Variants in PLCB3 observed in about 807,000 individuals in gnomAD.
PLCB3 encodes 1-phosphatidylinositol 4,5-bisphosphate phosphodiesterase beta-3.
PLCB3 carries 54 observed loss-of-function variants against 152.1 expected under a neutral mutation model. That is an observed-to-expected ratio of 0.36 (90% CI 0.29 to 0.45). The LOEUF is 0.45. PLCB3 is among the 20% of genes least tolerant of loss of function. PLCB3 has a pLI of 1.00. For missense variants in PLCB3, 1,248 were observed against 1,687.5 expected (o/e 0.74, Z 4.56); for synonymous variants, 717 against 698.7 (o/e 1.03, Z -0.41).
intron 24 of PLCB3, 39 bp from the exon 25 acceptor site, chr11:64,265,271 T>TGGGGGGG: frequency 6.3e-7 from 1 of 1,576,248 alleles, no homozygotes; most frequent in Non-Finnish European, 8.6e-7. Context: ...CCTTGCAGGT[T>TGGGGGGG]CCCCCACCCC....
At position 64,265,151 on chromosome 11, in the gene PLCB3, C is replaced by G. The variant is rs369637840; in HGVS notation, c.2807-41C>G. On this transcript the variant is annotated intron_variant, in intron 23 of 30. Transcript: ENST00000279230. ...GGGTGGGCTGCAGGGAGGCACCCCC[C>G]ACCCTGTCCTCCAGCTCCTCACAGG... The G allele has an allele frequency of 2.9e-5, 45 of 1,563,810 alleles. No homozygotes were observed. The Middle Eastern group carries it at 5.0e-4, about 17-fold the overall frequency.
Position 64,266,417 on chromosome 11 carries a change from G to C in PLCB3, c.3356+13G>C, listed in dbSNP as rs777120060. 1 of 1,601,832 alleles carries C rather than the reference G, an allele frequency of 6.2e-7. No homozygotes were observed. Among genetic ancestry groups the C allele is most frequent in the Admixed American group, 1.7e-5 (1 of 59,978 alleles). ...ATAAGAAGGAGGCGTAAGGGCACCGGGACCGGGGGCCATCTGGGTACTGGG... is the reference window on the plus strand; with the variant it reads ...ATAAGAAGGAGGCGTAAGGGCACCGCGACCGGGGGCCATCTGGGTACTGGG... On this transcript the variant is annotated intron_variant, in intron 28 of 30. Coordinates refer to ENST00000279230, the MANE Select transcript of PLCB3 (RefSeq NM_000932.5). The surrounding 1 kb of genome is among the most constrained non-coding windows in gnomAD (Gnocchi z 4.9).
rs764905688 is a variant in PLCB3, at chr11:64,263,770, G to A, written c.2535G>A (p.Ser845=). The A allele has an allele frequency of 1.9e-5, 30 of 1,613,090 alleles. No homozygotes were observed. In the South Asian group the frequency reaches 2.6e-4, roughly 14 times the overall value. The change falls in exon 21 of 31, where the codon TCG becomes TCA. Residue 845 remains serine (S), a synonymous_variant. Transcript: ENST00000279230. ...CCCTGCTCATCTACACCGAAGCCTC[G>A]GACTACATTCCTGACGACCACCAGG... The part of the protein sequence containing the change: ...LPALLIYTEA[S]DYIPDDHQDY...
Position 64,260,010 on chromosome 11 carries a change from G to C in PLCB3, c.1526-19G>C. 1.2e-6 allele frequency: 2 copies of C among 1,605,578 alleles called. No homozygotes were observed. Among genetic ancestry groups the C allele is most frequent in the African/African-American group, 2.7e-5 (2 of 74,768 alleles). On this transcript the variant is annotated intron_variant, in intron 13 of 30. Coordinates refer to ENST00000279230, the MANE Select transcript of PLCB3 (RefSeq NM_000932.5). ...CTGTGTGGTCCTGACCCCTCACCCT[G>C]TGGCCCTGTCCTCTGCAGGGTCTCC...
chr11:64,265,794 C>T, intron 25 of PLCB3, 92 bp from the exon 26 acceptor site: 1 of 1,468,296 alleles, frequency 6.8e-7, no homozygotes, highest in Non-Finnish European at 9.2e-7. Flanking sequence ...TGGTGTCTGC[C>T]ATCGCTTGCC....
chr11:64,266,626 C>T lies in PLCB3; in HGVS notation c.3414+74C>T, dbSNP rs1471797807. The T allele has an allele frequency of 1.0e-5, 15 of 1,434,098 alleles. No homozygotes were observed. The highest frequency in any genetic ancestry group is 1.4e-5 in the Non-Finnish European group (14 of 1,017,870). 88.8% of individuals were successfully genotyped at this position (1,434,098 alleles called of 1,614,324 possible). Reference sequence around the variant, plus strand: ...ATCAGACACCCATCTCCATGCCTGGCCTGGTGCCACGTTGCCCTCAAGGTT... The same window carrying T: ...ATCAGACACCCATCTCCATGCCTGGTCTGGTGCCACGTTGCCCTCAAGGTT... On this transcript the variant is annotated intron_variant, in intron 29 of 30. Transcript: ENST00000279230. This position sits in a 1 kb window ranked among gnomAD's most constrained non-coding sequence, Gnocchi z 4.9.
intron 25 of PLCB3, 28 bp downstream of exon 25, chr11:64,265,530 TGTGTGCTGG>T (rs773849663): frequency 6.3e-7 from 1 of 1,577,842 alleles, no homozygotes; most frequent in South Asian, 1.1e-5. Flanking sequence ...CTGTGTGCTA[TGTGTGCTGG>T]GTGTGCTGAT....
At position 64,267,555 on chromosome 11, in the gene PLCB3, G is replaced by C; in HGVS notation, c.3704G>C (p.Ter1235SerextTer3). 4 of 1,560,776 alleles carry C rather than the reference G, an allele frequency of 2.6e-6. No individual in the cohort carries two copies. The highest frequency in any genetic ancestry group is 1.9e-5 in the Admixed American group (1 of 53,752). Residue 1235 changes from the stop codon to serine, a stop_lost, in exon 31 of 31, where the codon TGA becomes TCA. Coordinates refer to ENST00000279230, the MANE Select transcript of PLCB3 (RefSeq NM_000932.5). The surrounding 1 kb of genome is among the most constrained non-coding windows in gnomAD (Gnocchi z 5.2). ...AGCCAGGAGGAGAACACGCAGCTCTGAACTGGCTGAGCGAGGTGGCCACAG... is the reference window on the plus strand; with the variant it reads ...AGCCAGGAGGAGAACACGCAGCTCTCAACTGGCTGAGCGAGGTGGCCACAG... ...SESQEENTQL[*>S]
In PLCB3 at chr11:64,258,748, G is replaced by A. The variant is rs149771242; in HGVS notation, c.1253+35G>A. On this transcript the variant is annotated intron_variant, in intron 11 of 30. Transcript: ENST00000279230. This position sits in a 1 kb window ranked among gnomAD's most constrained non-coding sequence, Gnocchi z 7.2. ...CCCCTGGCATGAAACCCCATGGACC[G>A]GGGGACAGTCTTCCAGCTTCAGTGC... 1.9e-4 allele frequency: 298 copies of A among 1,610,172 alleles called. 1 individual carries two copies. In the African/African-American group the frequency reaches 2.8e-3, roughly 15 times the overall value.
rs1348640097 is a variant in PLCB3 at position 64,267,179 on chromosome 11, C to G, written c.3415-6C>G. 3.2e-6 allele frequency: 5 copies of G among 1,549,826 alleles called. No homozygotes were observed. The South Asian group carries it at 6.0e-5, about 18-fold the overall frequency. On this transcript the variant is annotated splice_region_variant and splice_polypyrimidine_tract_variant and intron_variant, in intron 29 of 30. Coordinates refer to ENST00000279230, the MANE Select transcript of PLCB3 (RefSeq NM_000932.5). This position sits in a 1 kb window ranked among gnomAD's most constrained non-coding sequence, Gnocchi z 5.2. ...CCCTCAGCTGAGCCCTTGCCCACCC[C>G]TGTAGCTGGAGGAGGCCCAGAAGCA... is the stretch of plus-strand genomic sequence containing the variant.
chr11:64,264,907 G>A, intron 22 of PLCB3, 44 bp from the exon 23 acceptor site: 1 of 1,606,846 alleles, frequency 6.2e-7, no homozygotes, highest in Non-Finnish European at 8.5e-7. Flanking sequence ...AGGGTCTGGA[G>A]GGAACAGCAT....
chr11:64,259,363 T>G, intron 13 of PLCB3, 119 bp downstream of exon 13: 1 of 866,726 alleles, frequency 1.2e-6, no homozygotes, highest in Non-Finnish European at 1.7e-6. Context: ...TGTGCGCCTG[T>G]TCCCACAACC....
At chr11:64,254,374 G>A in intron 1 of PLCB3, 41 bp from the exon 2 acceptor site, 1 of 1,543,024 alleles carries the variant, frequency 6.5e-7, no homozygotes, top group Admixed American at 1.7e-5. Context: ...CTGCACCACA[G>A]CCCTCACTTC....
At chr11:64,261,252 T>C (rs1039615986) in intron 14 of PLCB3, 148 bp from the exon 15 acceptor site, 2 of 676,830 alleles carry the variant, frequency 3.0e-6, no homozygotes, top group Non-Finnish European at 5.3e-6. Context: ...GGCGCATCAG[T>C]GAGACCCCGG....
Position 64,255,663 on chromosome 11 carries a change from C to T in PLCB3, c.597+47C>T, listed in dbSNP as rs2031487226. The T allele has an allele frequency of 1.2e-6, 2 of 1,607,228 alleles. No homozygotes were observed. Among genetic ancestry groups the T allele is most frequent in the South Asian group, 1.1e-5 (1 of 90,946 alleles). ...GCGGGGTGGGGTGTCACGGTGGGCA[C>T]CCACCCTTACGGGGCTGCCCGCCCC... On this transcript the variant is annotated intron_variant, in intron 7 of 30. Transcript: ENST00000279230. The surrounding 1 kb of genome is among the most constrained non-coding windows in gnomAD (Gnocchi z 6.8).
At position 64,267,240 on chromosome 11, in the gene PLCB3, T is replaced by C; in HGVS notation, c.3470T>C (p.Val1157Ala). The C allele has an allele frequency of 6.5e-7, 1 of 1,550,334 alleles. No homozygotes were observed. The highest frequency in any genetic ancestry group is 8.7e-7 in the Non-Finnish European group (1 of 1,146,954). The change falls in exon 30 of 31, where the codon GTC (valine) becomes GCC (alanine). Residue 1157 changes from valine (V) to alanine (A), a missense_variant. Coordinates refer to ENST00000279230, the MANE Select transcript of PLCB3 (RefSeq NM_000932.5). The surrounding 1 kb of genome is among the most constrained non-coding windows in gnomAD (Gnocchi z 5.2). Reference sequence around the variant, plus strand: ...CGTCTTGTGGCTGGGCAGCAGCAGGTCCTGCAACAGCTGGCAGAAGAGGAG... The same window carrying C: ...CGTCTTGTGGCTGGGCAGCAGCAGGCCCTGCAACAGCTGGCAGAAGAGGAG... ...HDRLVAGQQQVLQQLAEEEPK... is the reference protein window; with the variant it reads ...HDRLVAGQQQALQQLAEEEPK...
In PLCB3 at chr11:64,267,228, GGCA is replaced by G; in HGVS notation, c.3466_3468del (p.Gln1156del). 1.3e-6 allele frequency: 2 copies of G among 1,550,498 alleles called. No homozygotes were observed. Among genetic ancestry groups the G allele is most frequent in the Non-Finnish European group, 1.7e-6 (2 of 1,146,970 alleles). On this transcript the variant is annotated inframe_deletion, in exon 30 of 31. Coordinates refer to ENST00000279230, the MANE Select transcript of PLCB3 (RefSeq NM_000932.5). This position sits in a 1 kb window ranked among gnomAD's most constrained non-coding sequence, Gnocchi z 5.2. Reference sequence around the variant, plus strand: ...CAGCGGCATGACCGTCTTGTGGCTGGGCAGCAGCAGGTCCTGCAACAGCTGGCA... The same window carrying G: ...CAGCGGCATGACCGTCTTGTGGCTGGGCAGCAGGTCCTGCAACAGCTGGCA...
downstream of PLCB3, among the ~76,000 whole-genome samples, chr11:64,268,313 G>T (rs2032238089): frequency 6.6e-6 from 1 of 152,202 alleles, no homozygotes; most frequent in African/African-American, 2.4e-5. Context: ...TCAGGTGATG[G>T]ATCGGCCAGG....
At position 64,256,627 on chromosome 11, in the gene PLCB3, C is replaced by A; in HGVS notation, c.875C>A (p.Ser292Tyr). Residue 292 changes from serine (S) to tyrosine (Y), a missense_variant, in exon 10 of 31, where the codon TCC becomes TAC. Ser to Tyr is a moderately radical substitution (Grantham distance 144). Around this residue, in one of 6 missense-constraint regions of PLCB3, gnomAD observed 299 missense variants for 434.7 expected, o/e 0.69. Coordinates refer to ENST00000279230, the MANE Select transcript of PLCB3 (RefSeq NM_000932.5). ...TCCTCTCCCACCCCAGACCAGATGT[C>A]CATGGAGGGCTTTAGCCGCTACCTG... ...NQQFLERDQM[S>Y]MEGFSRYLGG... The A allele has an allele frequency of 6.2e-7, 1 of 1,614,110 alleles. No homozygotes were observed. Among genetic ancestry groups the A allele is most frequent in the Non-Finnish European group, 8.5e-7 (1 of 1,180,014 alleles).
Sources: gnomAD v4.1 joint callset for allele counts (sites outside exome capture counted in the v4.1 genomes callset) on GRCh38, gnomAD v4.1.1 for gene constraint, gnomAD v4.1.1 regional missense constraint, Gnocchi (gnomAD v3.1) non-coding constraint, MANE v1.5 for transcripts, NCBI Gene and HGNC (gene_info 2026-07-23, HGNC 2026-07-21) for gene names.